RYR3: variants seen among roughly 807,000 people sequenced by gnomAD.
RYR3 encodes the protein ryanodine receptor 3.
Under a neutral mutation model 584.3 loss-of-function variants are expected in RYR3, and 207 were observed. That is an observed-to-expected ratio of 0.35 (90% CI 0.32 to 0.40). RYR3 has a LOEUF of 0.40. Ranked by LOEUF, RYR3 falls within the 10% of genes least tolerant of loss-of-function variation. The probability of loss-of-function intolerance (pLI) is 1.00; values close to 1 mark genes in which losing one functional copy is unlikely to be tolerated. For synonymous variants in RYR3, 2,416 were observed against 2,248.5 expected (o/e 1.07, Z -2.11); for missense variants, 5,616 against 6,089.2 (o/e 0.92, Z 2.59).
chr15:33,586,826 G>GT (rs1039384943), intron 16 of RYR3, among the ~76,000 whole-genome samples: 1 of 151,970 alleles, frequency 6.6e-6, no homozygotes, highest in African/African-American at 2.4e-5. Flanking sequence ...AATATGGGGA[G>GT]TTTTTTTTCC....
Position 33,750,400 on chromosome 15 carries a change from A to G in RYR3, c.8399+114A>G, listed in dbSNP as rs1309059437. 2.9e-6 allele frequency: 3 copies of G among 1,039,562 alleles called. No homozygotes were observed. In the Admixed American group the frequency reaches 9.1e-5, roughly 32 times the overall value. The allele number at this position is 1,039,562 out of a possible 1,614,324, so 64.4% of individuals were successfully genotyped here. On this transcript the variant is annotated intron_variant, in intron 57 of 103. Transcript: ENST00000634891. ...GAGAACAATTGAGTCTTTTAAAATGAGAACATTTTTATTTTAGAACATGAA... is the reference window on the plus strand; with the variant it reads ...GAGAACAATTGAGTCTTTTAAAATGGGAACATTTTTATTTTAGAACATGAA...
At chr15:33,754,238 C>T (rs2071595018) in intron 57 of RYR3, among the ~76,000 whole-genome samples, 1 of 152,186 alleles carries the variant, frequency 6.6e-6, no homozygotes, top group South Asian at 2.1e-4. Context: ...CTTGACTCAC[C>T]ACCATGGTCA....
At chr15:33,587,220 G>A (rs1360804717) in intron 16 of RYR3, among the ~76,000 whole-genome samples, 1 of 152,204 alleles carries the variant, frequency 6.6e-6, no homozygotes, top group Non-Finnish European at 1.5e-5. Context: ...AGGCAAACAT[G>A]AAGCTTCCGC....
At chr15:33,680,719 G>A (rs188208904) in intron 38 of RYR3, among the ~76,000 whole-genome samples, 5 of 152,358 alleles carry the variant, frequency 3.3e-5, no homozygotes, top group Admixed American at 3.3e-4. Flanking sequence ...TTCCTGAGGA[G>A]CATAGGCTGT....
intron 1 of RYR3, among the ~76,000 whole-genome samples, chr15:33,415,527 A>T (rs995020174): frequency 6.6e-6 from 1 of 152,080 alleles, no homozygotes; most frequent in Admixed American, 6.5e-5. Flanking sequence ...ATTACAGTAC[A>T]GTATGTAAGG....
chr15:33,512,810 TA>T (rs1428867143), intron 3 of RYR3, among the ~76,000 whole-genome samples: 1 of 152,238 alleles, frequency 6.6e-6, no homozygotes, highest in Non-Finnish European at 1.5e-5. Context: ...CAAAAAAATG[TA>T]AACATCTTCA....
intron 1 of RYR3, among the ~76,000 whole-genome samples, chr15:33,320,108 A>G (rs1595702913): frequency 1.3e-5 from 2 of 152,202 alleles, no homozygotes; most frequent in African/African-American, 4.8e-5. Flanking sequence ...TGCAGCTGCA[A>G]ATAAGCACTC....
At chr15:33,444,927 C>T (rs572530168) in intron 1 of RYR3, among the ~76,000 whole-genome samples, 12 of 150,790 alleles carry the variant, frequency 8.0e-5, no homozygotes, top group African/African-American at 2.0e-4. Flanking sequence ...CTGGAGTGCG[C>T]GGCCCCTGTG....
intron 1 of RYR3, among the ~76,000 whole-genome samples, chr15:33,417,402 C>A (rs1379430144): frequency 6.6e-6 from 1 of 152,084 alleles, no homozygotes; most frequent in Non-Finnish European, 1.5e-5. Flanking sequence ...AGATCTTTCA[C>A]CTCCTTGATA....
rs994612483 is a variant in RYR3 at position 33,602,776 on chromosome 15, C to T, written c.1923-347C>T. On this transcript the variant is annotated intron_variant, in intron 17 of 103. Coordinates refer to ENST00000634891, the MANE Select transcript of RYR3 (RefSeq NM_001036.6). The stretch of plus-strand genomic sequence containing the variant: ...TTTTTTTTTTTTGGAGACAAGGTCT[C>T]ACTCTGCTGCCCAGGCTGGAGTGCG... Among the ~76,000 whole-genome samples the T allele has an allele frequency of 2.8e-4, 32 of 116,082 alleles. No individual in the cohort carries two copies. In the Admixed American group the frequency reaches 3.0e-3, roughly 11 times the overall value. 76.2% of individuals were successfully genotyped at this position (116,082 alleles called of 152,430 possible).
At chr15:33,532,667 T>C (rs1241858352) in intron 4 of RYR3, among the ~76,000 whole-genome samples, 1 of 152,208 alleles carries the variant, frequency 6.6e-6, no homozygotes, top group Non-Finnish European at 1.5e-5. Context: ...TTGTTGGTCA[T>C]TTATGTTCCA....
chr15:33,347,400 A>G (rs1297292151), intron 1 of RYR3, among the ~76,000 whole-genome samples: 1 of 151,792 alleles, frequency 6.6e-6, no homozygotes, highest in East Asian at 1.9e-4. Flanking sequence ...TTATAGTCCA[A>G]TATCACTTCA....
chr15:33,708,568 G>A (rs1036751960), intron 43 of RYR3, among the ~76,000 whole-genome samples: 1 of 152,024 alleles, frequency 6.6e-6, no homozygotes, highest in Non-Finnish European at 1.5e-5. Context: ...TATATTTTCT[G>A]CACTACAATT....
intron 2 of RYR3, among the ~76,000 whole-genome samples, chr15:33,499,909 A>G (rs1486337459): frequency 1.3e-5 from 2 of 152,224 alleles, no homozygotes; most frequent in Admixed American, 1.3e-4. Context: ...CAGATGGATT[A>G]ACAGAGAAGA....
At chr15:33,761,293 A>T (rs1049077079) in intron 60 of RYR3, among the ~76,000 whole-genome samples, 8 of 152,084 alleles carry the variant, frequency 5.3e-5, no homozygotes, top group African/African-American at 1.9e-4. Flanking sequence ...AAAAACCCTT[A>T]AAAAAATCAG....
In RYR3 at chr15:33,641,358, T is replaced by C. The variant is rs901365816; in HGVS notation, c.3557-2953T>C. 2.0e-5 allele frequency among the ~76,000 whole-genome samples: 3 copies of C among 152,352 alleles called. No homozygotes were observed. The South Asian group carries it at 6.2e-4, about 32-fold the overall frequency. ...GTAAAATTGGCATAATAATGAGATG[T>C]ATCTGTAGAGCACTAAGCCTGACAT... On this transcript the variant is annotated intron_variant, in intron 27 of 103. Coordinates refer to ENST00000634891, the MANE Select transcript of RYR3 (RefSeq NM_001036.6).
At chr15:33,425,592 T>TA (rs2044548802) in intron 1 of RYR3, among the ~76,000 whole-genome samples, 1 of 152,026 alleles carries the variant, frequency 6.6e-6, no homozygotes, top group African/African-American at 2.4e-5. Flanking sequence ...CAGTCTGTTT[T>TA]CTGACACCAT....
At chr15:33,425,723 G>C (rs1374165688) in intron 1 of RYR3, among the ~76,000 whole-genome samples, 1 of 145,184 alleles carries the variant, frequency 6.9e-6, no homozygotes, top group South Asian at 2.2e-4. Context: ...CTCACTGCAA[G>C]CTCCGCCTCC....
At chr15:33,332,026 G>T (rs1567039374) in intron 1 of RYR3, among the ~76,000 whole-genome samples, 1 of 151,900 alleles carries the variant, frequency 6.6e-6, no homozygotes, top group Non-Finnish European at 1.5e-5. Flanking sequence ...CAGGAAGAAA[G>T]GAAGGAAGGA....
Sources: gnomAD v4.1 joint callset for allele counts (sites outside exome capture counted in the v4.1 genomes callset) on GRCh38, gnomAD v4.1.1 for gene constraint, MANE v1.5 for transcripts, NCBI Gene and HGNC (gene_info 2026-07-23, HGNC 2026-07-21) for gene names.